Variants in PDE1C observed in about 807,000 individuals in gnomAD.
The protein encoded by PDE1C is dual specificity calcium/calmodulin-dependent 3',5'-cyclic nucleotide phosphodiesterase 1C.
PDE1C carries 62 observed loss-of-function variants against 93.1 expected under a neutral mutation model. The observed-to-expected ratio is 0.67, with a 90% CI of 0.54 to 0.82. The LOEUF (loss-of-function observed/expected upper bound fraction) is 0.82. PDE1C is among the 40% of genes least tolerant of loss of function. The pLI is 0.00. For missense variants in PDE1C, 742 were observed against 884.6 expected (o/e 0.84, Z 2.04); for synonymous variants, 325 against 310.1 (o/e 1.05, Z -0.50).
At chr7:31,928,789 A>G (rs1257794154) in intron 2 of PDE1C, among the ~76,000 whole-genome samples, 3 of 152,212 alleles carry the variant, frequency 2.0e-5, no homozygotes, top group Admixed American at 6.5e-5. Context: ...AGGAAGCACT[A>G]AATATGGAAA....
At chr7:32,362,686 T>A (rs992462540) in intron 1 of PDE1C, among the ~76,000 whole-genome samples, 1 of 152,060 alleles carries the variant, frequency 6.6e-6, no homozygotes. Flanking sequence ...GTACACACCC[T>A]CCTCTCCTGC....
Position 32,159,289 on chromosome 7 carries a change from G to A in PDE1C, c.308+10496C>T, listed in dbSNP as rs890719199. Among the ~76,000 whole-genome samples, 3 of 152,070 alleles carry A rather than the reference G, an allele frequency of 2.0e-5. 1 individual carries two copies. The highest frequency in any genetic ancestry group is 1.3e-4 in the Admixed American group (2 of 15,282). On this transcript the variant is annotated intron_variant, in intron 3 of 18. Transcript: ENST00000396193. The stretch of plus-strand genomic sequence containing the variant: ...AAAAGGATCATTTTCCTCTAGCAAG[G>A]TCAAAATCCCTGCCCTAATGCTGTA...
intron 2 of PDE1C, among the ~76,000 whole-genome samples, chr7:32,184,679 A>C (rs1269341042): frequency 6.6e-6 from 1 of 152,240 alleles, no homozygotes; most frequent in East Asian, 1.9e-4. Context: ...GGATAGCATT[A>C]GGAGATATAC....
rs551660766 is a variant in PDE1C at position 32,027,607 on chromosome 7, T to TAAAAAAAA, written c.128+23939_128+23946dup. On this transcript the variant is annotated intron_variant, in intron 2 of 17. Coordinates refer to ENST00000396191, the MANE Select transcript of PDE1C (RefSeq NM_001191057.4). ...AAAAAAAAAAAACTATCAAAAATGG[T>TAAAAAAAA]AAAAAAAAAAAAAAAAAAAAAAAAA... Among the ~76,000 whole-genome samples, 87 of 78,428 alleles carry TAAAAAAAA rather than the reference T, an allele frequency of 1.1e-3. 1 individual carries two copies. The highest frequency in any genetic ancestry group is 1.2e-3 in the Non-Finnish European group (55 of 44,662). 51.5% of individuals were successfully genotyped at this position (78,428 alleles called of 152,430 possible). A position where few individuals can be genotyped will look rare whatever the true frequency, so the allele number is the denominator to read the frequency against.
rs529665520 is a variant in PDE1C, at chr7:31,968,227, A to T, written c.128+83327T>A. Among the ~76,000 whole-genome samples the T allele has an allele frequency of 1.7e-4, 26 of 152,276 alleles. No homozygotes were observed. In the East Asian group the frequency reaches 5.0e-3, roughly 29 times the overall value. On this transcript the variant is annotated intron_variant, in intron 2 of 17. Transcript: ENST00000396191. ...AGAAAACCCCATCGTCTCAGCCCAA[A>T]ATCTCCTTAAGCTAATAAGCAACTT...
chr7:32,005,322 C>T (rs914073473), intron 2 of PDE1C, among the ~76,000 whole-genome samples: 26 of 139,528 alleles, frequency 1.9e-4, no homozygotes, highest in South Asian at 6.3e-4. Context: ...TTTGGGAGGC[C>T]GAGGCAGGCA....
At chr7:32,219,012 C>G (rs1806638067) in intron 1 of PDE1C, among the ~76,000 whole-genome samples, 1 of 152,204 alleles carries the variant, frequency 6.6e-6, no homozygotes, top group South Asian at 2.1e-4. Context: ...CTTCCTGGTA[C>G]ATATCATTCA....
chr7:32,272,085 T>G (rs1811007940), intron 1 of PDE1C, among the ~76,000 whole-genome samples: 1 of 152,250 alleles, frequency 6.6e-6, no homozygotes, highest in Non-Finnish European at 1.5e-5. Flanking sequence ...CTTGGGTCGG[T>G]AGATTGGACA....
At chr7:31,824,001 T>C (rs2128740389) in intron 13 of PDE1C, among the ~76,000 whole-genome samples, 1 of 152,188 alleles carries the variant, frequency 6.6e-6, no homozygotes, top group South Asian at 2.1e-4. Flanking sequence ...CAGGGGGCTC[T>C]GTCCTCCTTG....
chr7:32,373,549 T>C (rs1298991169), intron 1 of PDE1C, among the ~76,000 whole-genome samples: 4 of 152,256 alleles, frequency 2.6e-5, no homozygotes, highest in Non-Finnish European at 4.4e-5. Context: ...ATGTTGATCA[T>C]GGTAGTGGTT....
the PDE1C span, among the ~76,000 whole-genome samples, chr7:31,699,514 G>T: frequency 1.3e-5 from 2 of 152,298 alleles, no homozygotes; most frequent in African/African-American, 2.4e-5. Flanking sequence ...AAGTTTGATT[G>T]CTTCCCAAGG....
intron 3 of PDE1C, among the ~76,000 whole-genome samples, chr7:32,134,757 AG>A (rs1376279979): frequency 1.3e-5 from 2 of 152,170 alleles, no homozygotes; most frequent in African/African-American, 4.8e-5. Flanking sequence ...AGAGCCTGTC[AG>A]GGGGTTGGGG....
intron 1 of PDE1C, among the ~76,000 whole-genome samples, chr7:32,413,177 G>C (rs1583429118): frequency 6.6e-6 from 1 of 152,080 alleles, no homozygotes; most frequent in Admixed American, 6.6e-5. Context: ...GCTTACGTAG[G>C]GGGGAATGCA....
chr7:32,155,031 G>A (rs1004387196), intron 3 of PDE1C, among the ~76,000 whole-genome samples: 1 of 152,234 alleles, frequency 6.6e-6, no homozygotes, highest in African/African-American at 2.4e-5. Context: ...TGAGGAAATG[G>A]CAGGAAATGA....
At chr7:31,736,700 C>G in the PDE1C span, among the ~76,000 whole-genome samples, 151,222 of 152,362 alleles carry the variant, frequency 0.99, 75,051 homozygotes, top group East Asian at 1. Context: ...AGGTTTATTT[C>G]TGCCTGGCAA....
intron 17 of PDE1C, among the ~76,000 whole-genome samples, chr7:31,772,725 T>C (rs1795579752): frequency 6.6e-6 from 1 of 152,244 alleles, no homozygotes; most frequent in African/African-American, 2.4e-5. Context: ...AGCAGATTGA[T>C]TTGACTGCAC....
chr7:32,145,843 G>A (rs889909549), intron 3 of PDE1C, among the ~76,000 whole-genome samples: 3 of 152,106 alleles, frequency 2.0e-5, no homozygotes, highest in Non-Finnish European at 2.9e-5. Flanking sequence ...CAGAGGCAGG[G>A]TTGAACGTCC....
chr7:32,001,030 G>C (rs555932659), intron 2 of PDE1C, among the ~76,000 whole-genome samples: 8 of 151,802 alleles, frequency 5.3e-5, no homozygotes, highest in African/African-American at 1.9e-4. Context: ...GTATGGGGAG[G>C]GTGGAGACAG....
chr7:32,421,228 G>A (rs10273165), intron 1 of PDE1C, among the ~76,000 whole-genome samples: 22,834 of 152,140 alleles, frequency 0.15, 1,805 homozygotes, highest in African/African-American at 0.18. Flanking sequence ...ACCCTCTAAG[G>A]CCACATGAAC....
Sources: allele counts gnomAD v4.1 joint callset (sites outside exome capture counted in the v4.1 genomes callset), GRCh38; gene constraint gnomAD v4.1.1; transcripts MANE v1.5; gene names NCBI Gene and HGNC (gene_info 2026-07-23, HGNC 2026-07-21).